CDH10: variants seen among roughly 807,000 people sequenced by gnomAD.
The protein encoded by CDH10 is cadherin 10.
A neutral mutation model predicts 73.1 loss-of-function variants in CDH10; 30 were observed. The observed-to-expected ratio is 0.41, with a 90% CI of 0.31 to 0.56. The LOEUF is 0.56. Among genes scored for constraint, CDH10 ranks in the 20% least tolerant of loss-of-function variants. The pLI is 0.27. For synonymous variants in CDH10, 345 were observed against 348.2 expected (o/e 0.99, Z 0.10); for missense variants, 815 against 973.7 (o/e 0.84, Z 2.17).
At chr5:24,507,773 A>C (rs1277074128) in intron 7 of CDH10, among the ~76,000 whole-genome samples, 3 of 152,178 alleles carry the variant, frequency 2.0e-5, no homozygotes, top group Non-Finnish European at 4.4e-5. Context: ...AAAAAGAAAA[A>C]AAAACACAAG....
intron 2 of CDH10, among the ~76,000 whole-genome samples, chr5:24,550,352 C>T (rs746613327): frequency 2.6e-5 from 4 of 152,054 alleles, no homozygotes; most frequent in Non-Finnish European, 5.9e-5. Flanking sequence ...CCACCATCAA[C>T]ATCCAGGCTT....
At chr5:24,614,084 T>C (rs1310465794) in intron 1 of CDH10, among the ~76,000 whole-genome samples, 1 of 152,128 alleles carries the variant, frequency 6.6e-6, no homozygotes, top group Non-Finnish European at 1.5e-5. Flanking sequence ...CTGATAATAA[T>C]GTTGATAAAG....
intron 1 of CDH10, among the ~76,000 whole-genome samples, chr5:24,597,049 T>A (rs976077138): frequency 1.3e-5 from 2 of 152,054 alleles, no homozygotes; most frequent in African/African-American, 4.8e-5. Flanking sequence ...TCAGTCCCAG[T>A]TAATTTTATT....
At chr5:24,557,631 C>G (rs886642583) in intron 2 of CDH10, among the ~76,000 whole-genome samples, 3 of 151,552 alleles carry the variant, frequency 2.0e-5, no homozygotes, top group Non-Finnish European at 4.4e-5. Flanking sequence ...GATGAATTCA[C>G]GATGCTTATT....
chr5:24,597,434 C>T lies in CDH10; in HGVS notation c.-123-3821G>A, dbSNP rs150702429. On this transcript the variant is annotated intron_variant, in intron 1 of 11. Transcript: ENST00000264463. ...TATTTAGTGCTTCAGCCCCCAGATA[C>T]GTAGCCTACTACAATGAGGGGAATA... is the stretch of plus-strand genomic sequence containing the variant. Among the ~76,000 whole-genome samples, 7 of 152,092 alleles carry T rather than the reference C, an allele frequency of 4.6e-5. No homozygotes were observed. In the South Asian group the frequency reaches 8.3e-4, roughly 18 times the overall value.
chr5:24,499,666 G>A (rs1256749860), intron 8 of CDH10: 1 of 143,390 alleles, frequency 7.0e-6, no homozygotes, highest in Non-Finnish European at 1.5e-5. Context: ...CAGCATGGGT[G>A]ACAGAATGAG....
chr5:24,601,545 C>A (rs1746565428), intron 1 of CDH10, among the ~76,000 whole-genome samples: 1 of 151,982 alleles, frequency 6.6e-6, no homozygotes. Context: ...AACTACAGAC[C>A]ATGAATGTAC....
Position 24,570,664 on chromosome 5 carries a change from G to GTA in CDH10, c.231+22594_231+22595dup, listed in dbSNP as rs1000230621. Among the ~76,000 whole-genome samples the GTA allele has an allele frequency of 4.4e-4, 66 of 151,460 alleles. No homozygotes were observed. In the East Asian group the frequency reaches 6.0e-3, roughly 14 times the overall value. ...ACCTTACTGTAAAATATATATATGT[G>GTA]TATATATATATACTAGAGTAAAATG... On this transcript the variant is annotated intron_variant, in intron 2 of 11. Transcript: ENST00000264463.
At chr5:24,556,387 GTC>G (rs1172480431) in intron 2 of CDH10, among the ~76,000 whole-genome samples, 3 of 151,996 alleles carry the variant, frequency 2.0e-5, no homozygotes, top group Non-Finnish European at 4.4e-5. Context: ...ATGAATTGTA[GTC>G]TCTAATTGCT....
chr5:24,488,757 TA>T (rs1741937246), intron 11 of CDH10, among the ~76,000 whole-genome samples: 1 of 151,568 alleles, frequency 6.6e-6, no homozygotes, highest in Admixed American at 6.6e-5. Flanking sequence ...TAGAAATTCC[TA>T]ATGTTTCCAT....
At chr5:24,500,611 A>G (rs1418364068) in intron 8 of CDH10, among the ~76,000 whole-genome samples, 1 of 152,212 alleles carries the variant, frequency 6.6e-6, no homozygotes, top group Non-Finnish European at 1.5e-5. Flanking sequence ...CACATATTCA[A>G]TGTCTTGGTT....
At chr5:24,505,296 T>C (rs745687203) in intron 7 of CDH10, 48 bp from the exon 8 acceptor site, 1 of 1,554,052 alleles carries the variant, frequency 6.4e-7, no homozygotes, top group Non-Finnish European at 8.9e-7. Context: ...TATTAATAGT[T>C]TGCAGGAAAA....
At chr5:24,615,768 G>GA (rs1317807921) in intron 1 of CDH10, among the ~76,000 whole-genome samples, 2 of 152,086 alleles carry the variant, frequency 1.3e-5, no homozygotes, top group African/African-American at 2.4e-5. Context: ...CCTCTTCATA[G>GA]AAATTAAATC....
intron 1 of CDH10, among the ~76,000 whole-genome samples, chr5:24,639,315 G>A (rs901362091): frequency 2.0e-5 from 3 of 151,474 alleles, no homozygotes; most frequent in African/African-American, 4.8e-5. Context: ...ATATTTTTAC[G>A]AAAGGAGAAA....
At chr5:24,491,900 A>C in intron 10 of CDH10, 73 bp from the exon 11 acceptor site, 1 of 847,872 alleles carries the variant, frequency 1.2e-6, no homozygotes, top group Non-Finnish European at 1.8e-6. Context: ...CCAAGGTTTA[A>C]CATATAAATA....
intron 2 of CDH10, among the ~76,000 whole-genome samples, chr5:24,559,947 G>A (rs181553670): frequency 7.8e-4 from 119 of 152,172 alleles, no homozygotes; most frequent in Non-Finnish European, 1.3e-3. Flanking sequence ...GTGTTTTAAA[G>A]TGTGACTTTA....
At position 24,535,167 on chromosome 5, in the gene CDH10, G is replaced by A. The variant is rs1743903084; in HGVS notation, c.759C>T (p.Thr253=). ...CATCTGTCAGCGTGATGTTCACAGT[G>A]GTTGTCCCCGATAAGCCTCCCATCT... is the stretch of plus-strand genomic sequence containing the variant. ...GGQMGGLSGT[T]TVNITLTDVN... Residue 253 remains threonine (T), a synonymous_variant, in exon 5 of 12, where the codon ACC becomes ACT. Coordinates refer to ENST00000264463, the MANE Select transcript of CDH10 (RefSeq NM_006727.5). The A allele has an allele frequency of 6.2e-7, 1 of 1,613,322 alleles. No individual in the cohort carries two copies. Among genetic ancestry groups the A allele is most frequent in the Non-Finnish European group, 8.5e-7 (1 of 1,179,684 alleles).
intron 2 of CDH10, among the ~76,000 whole-genome samples, chr5:24,563,755 C>A (rs1406646263): frequency 3.1e-5 from 4 of 128,712 alleles, no homozygotes; most frequent in Admixed American, 8.8e-5. Flanking sequence ...GGCGACAGAG[C>A]GAGACTCCGC....
intron 1 of CDH10, among the ~76,000 whole-genome samples, chr5:24,632,062 T>A (rs907993526): frequency 6.6e-6 from 1 of 152,082 alleles, no homozygotes. Context: ...ATCTCCCTTA[T>A]CACTTGAGGA....
Sources: allele counts gnomAD v4.1 joint callset (sites outside exome capture counted in the v4.1 genomes callset), GRCh38; gene constraint gnomAD v4.1.1; transcripts MANE v1.5; gene names NCBI Gene and HGNC (gene_info 2026-07-23, HGNC 2026-07-21).